PCCA: variants seen among roughly 807,000 people sequenced by gnomAD.
PCCA encodes the protein propionyl-CoA carboxylase alpha chain, mitochondrial.
A neutral mutation model predicts 101.3 loss-of-function variants in PCCA; 74 were observed. The observed-to-expected ratio is 0.73, with a 90% CI of 0.61 to 0.89. The LOEUF (loss-of-function observed/expected upper bound fraction) is 0.89. PCCA is among the 40% of genes least tolerant of loss of function. The probability of loss-of-function intolerance (pLI) is 0.00; values close to 1 mark genes in which losing one functional copy is unlikely to be tolerated. For synonymous variants in PCCA, 294 were observed against 313.6 expected (o/e 0.94, Z 0.66); for missense variants, 891 against 907.0 (o/e 0.98, Z 0.23).
intron 22 of PCCA, among the ~76,000 whole-genome samples, chr13:100,518,066 T>G (rs1231470685): frequency 6.6e-6 from 1 of 152,102 alleles, no homozygotes; most frequent in Non-Finnish European, 1.5e-5. Context: ...CTTTTATGGG[T>G]GGGAAGATAA....
intron 19 of PCCA, among the ~76,000 whole-genome samples, chr13:100,423,995 A>G (rs2078985136): frequency 6.6e-6 from 1 of 152,128 alleles, no homozygotes; most frequent in Non-Finnish European, 1.5e-5. Flanking sequence ...TAGACCTACT[A>G]CAGTCGGCCC....
At chr13:100,469,728 C>T (rs931806328) in intron 21 of PCCA, among the ~76,000 whole-genome samples, 1 of 149,950 alleles carries the variant, frequency 6.7e-6, no homozygotes, top group African/African-American at 2.5e-5. Flanking sequence ...TGCAGTAAGC[C>T]GAGATCTCAC....
intron 8 of PCCA, among the ~76,000 whole-genome samples, chr13:100,249,264 A>G (rs758553324): frequency 6.6e-6 from 1 of 152,172 alleles, no homozygotes; most frequent in Non-Finnish European, 1.5e-5. Context: ...TTTTGAGTTA[A>G]TTTTTGTGAA....
At chr13:100,249,049 C>T (rs528745699) in intron 8 of PCCA, among the ~76,000 whole-genome samples, 3 of 152,216 alleles carry the variant, frequency 2.0e-5, no homozygotes, top group East Asian at 3.9e-4. Flanking sequence ...CCACCATGCC[C>T]GGCTGTGTCT....
At chr13:100,324,315 T>C (rs922751772) in intron 16 of PCCA, among the ~76,000 whole-genome samples, 1 of 152,208 alleles carries the variant, frequency 6.6e-6, no homozygotes, top group African/African-American at 2.4e-5. Context: ...TAGTATCCTC[T>C]TGTGGCAGTT....
At chr13:100,215,693 A>G (rs1275818448) in intron 7 of PCCA, among the ~76,000 whole-genome samples, 1 of 152,070 alleles carries the variant, frequency 6.6e-6, no homozygotes, top group Non-Finnish European at 1.5e-5. Context: ...GCTAGAGTGC[A>G]GTGTCATGAT....
intron 18 of PCCA, among the ~76,000 whole-genome samples, chr13:100,348,443 G>C (rs913974389): frequency 2.0e-5 from 3 of 152,012 alleles, no homozygotes; most frequent in African/African-American, 7.2e-5. Flanking sequence ...TACCATGAAG[G>C]CTTCTTTTTA....
chr13:100,375,973 G>C (rs1432969621), intron 19 of PCCA, among the ~76,000 whole-genome samples: 1 of 152,156 alleles, frequency 6.6e-6, no homozygotes, highest in African/African-American at 2.4e-5. Flanking sequence ...TCATCTTTAT[G>C]GATTTATCTA....
chr13:100,470,383 C>T (rs2082909581), intron 21 of PCCA, among the ~76,000 whole-genome samples: 1 of 152,148 alleles, frequency 6.6e-6, no homozygotes, highest in African/African-American at 2.4e-5. Context: ...CCTCTCATCA[C>T]AGTCATTCCC....
chr13:100,248,076 G>T (rs187252744), intron 8 of PCCA, among the ~76,000 whole-genome samples: 2 of 149,248 alleles, frequency 1.3e-5, no homozygotes, highest in African/African-American at 4.9e-5. Flanking sequence ...GTTGTTTTAG[G>T]TGTGTCTCTT....
chr13:100,513,788 C>A (rs1371435172), intron 21 of PCCA, among the ~76,000 whole-genome samples: 1 of 152,156 alleles, frequency 6.6e-6, no homozygotes, highest in African/African-American at 2.4e-5. Flanking sequence ...CAAGGCACGT[C>A]GTAAGTCAGT....
At chr13:100,117,779 T>C (rs1241051888) in intron 4 of PCCA, among the ~76,000 whole-genome samples, 1 of 151,386 alleles carries the variant, frequency 6.6e-6, no homozygotes, top group Non-Finnish European at 1.5e-5. Flanking sequence ...TATATATATA[T>C]GTAAAAAAAG....
At chr13:100,511,559 A>G in intron 21 of PCCA, among the ~76,000 whole-genome samples, 1 of 152,218 alleles carries the variant, frequency 6.6e-6, no homozygotes, top group South Asian at 2.1e-4. Context: ...GTTGGTATTG[A>G]CTGAGATGGC....
intron 21 of PCCA, among the ~76,000 whole-genome samples, chr13:100,498,194 G>A (rs2085411392): frequency 6.8e-6 from 1 of 146,542 alleles, no homozygotes; most frequent in Non-Finnish European, 1.5e-5. Context: ...CATAGTTATC[G>A]CCAGTTGCCT....
chr13:100,478,022 G>A (rs1367800724), intron 21 of PCCA, among the ~76,000 whole-genome samples: 1 of 152,218 alleles, frequency 6.6e-6, no homozygotes, highest in African/African-American at 2.4e-5. Context: ...AGCTAATCGG[G>A]CCTTTTAGGC....
chr13:100,361,132 A>G (rs574711488), intron 18 of PCCA, among the ~76,000 whole-genome samples: 1 of 152,232 alleles, frequency 6.6e-6, no homozygotes, highest in Non-Finnish European at 1.5e-5. Context: ...ATTGCCAAGC[A>G]TTCGGGGGAG....
chr13:100,117,461 A>C (rs2048901219), intron 4 of PCCA, among the ~76,000 whole-genome samples: 1 of 151,450 alleles, frequency 6.6e-6, no homozygotes, highest in South Asian at 2.1e-4. Flanking sequence ...AAACAATTTG[A>C]AAATAAGTTA....
chr13:100,350,066 T>G (rs2073073847), intron 18 of PCCA, among the ~76,000 whole-genome samples: 1 of 152,150 alleles, frequency 6.6e-6, no homozygotes, highest in South Asian at 2.1e-4. Context: ...AAGTTTAAGG[T>G]TTTTGAAATA....
intron 7 of PCCA, among the ~76,000 whole-genome samples, chr13:100,220,807 C>G (rs1310816047): frequency 6.6e-6 from 1 of 152,224 alleles, no homozygotes; most frequent in Non-Finnish European, 1.5e-5. Flanking sequence ...CAGACTTAGT[C>G]TGAGCCAAAC....
Sources: gnomAD v4.1 joint callset for allele counts (sites outside exome capture counted in the v4.1 genomes callset) on GRCh38, gnomAD v4.1.1 for gene constraint, MANE v1.5 for transcripts, NCBI Gene and HGNC (gene_info 2026-07-23, HGNC 2026-07-21) for gene names.